Variants in ETV6 observed in about 807,000 individuals in gnomAD.
ETV6 encodes transcription factor ETV6.
Under a neutral mutation model 51.1 loss-of-function variants are expected in ETV6, and 16 were observed. The ratio of observed to expected loss-of-function variants is 0.31; its 90% CI spans 0.21 to 0.48. The LOEUF (loss-of-function observed/expected upper bound fraction) is 0.48, where lower values mean the gene tolerates loss of function less well. ETV6 is among the 20% of genes least tolerant of loss of function. The pLI is 0.99. For missense variants in ETV6, 458 were observed against 594.8 expected, an observed-to-expected ratio of 0.77 and a Z score of 2.39; for synonymous variants, 240 against 224.1, an observed-to-expected ratio of 1.07 and a Z score of -0.64.
At chr12:11,653,706 G>A (rs183438437) in intron 1 of ETV6, among the ~76,000 whole-genome samples, 204 of 152,188 alleles carry the variant, frequency 1.3e-3, no homozygotes, top group African/African-American at 3.0e-3. Flanking sequence ...CCACTGGCTT[G>A]CTTGCAGAAA....
chr12:11,794,797 C>T (rs1443554348), intron 2 of ETV6, among the ~76,000 whole-genome samples: 7 of 152,316 alleles, frequency 4.6e-5, no homozygotes, highest in Admixed American at 3.3e-4. Context: ...AGTTATCATT[C>T]CATGCAGACA....
At chr12:11,738,307 CTT>C (rs59241338) in intron 1 of ETV6, among the ~76,000 whole-genome samples, 1 of 114,026 alleles carries the variant, frequency 8.8e-6, no homozygotes, top group African/African-American at 3.9e-5. Flanking sequence ...TTTGTTTTTG[CTT>C]TTTTTTTTTT....
chr12:11,869,413 C>A lies in ETV6; in HGVS notation c.464-11C>A. 6.3e-7 allele frequency: 1 copy of A among 1,594,058 alleles called. No homozygotes were observed. On this transcript the variant is annotated splice_polypyrimidine_tract_variant and intron_variant, in intron 4 of 7. Coordinates refer to ENST00000396373, the MANE Select transcript of ETV6 (RefSeq NM_001987.5). The surrounding 1 kb of genome is among the most constrained non-coding windows in gnomAD (Gnocchi z 5.0). Reference sequence around the variant, plus strand: ...CTGGGGTCTGTGATTGTCTTTCCCTCTGCTCCACAGATAACTGTGTCCAGA... The same window carrying A: ...CTGGGGTCTGTGATTGTCTTTCCCTATGCTCCACAGATAACTGTGTCCAGA...
intron 1 of ETV6, among the ~76,000 whole-genome samples, chr12:11,731,971 C>T (rs777971448): frequency 1.8e-4 from 27 of 152,180 alleles, no homozygotes; most frequent in Non-Finnish European, 3.4e-4. Context: ...CCCGGAACCC[C>T]TTCAGTCCCA....
chr12:11,881,094 C>G (rs1435926590), intron 5 of ETV6, among the ~76,000 whole-genome samples: 1 of 152,080 alleles, frequency 6.6e-6, no homozygotes, highest in African/African-American at 2.4e-5. Flanking sequence ...TGCACCACCA[C>G]GCCTGGATAA....
chr12:11,808,358 G>GTA (rs1387486484), intron 2 of ETV6, among the ~76,000 whole-genome samples: 2 of 151,464 alleles, frequency 1.3e-5, no homozygotes, highest in East Asian at 3.9e-4. Context: ...ACCTGACAAG[G>GTA]TATACAGTCT....
At position 11,816,363 on chromosome 12, in the gene ETV6, G is replaced by A. The variant is rs2136427813; in HGVS notation, c.164-22777G>A. Among the ~76,000 whole-genome samples, 3 of 152,266 alleles carry A rather than the reference G, an allele frequency of 2.0e-5. No individual in the cohort carries two copies. In the South Asian group the frequency reaches 6.2e-4, roughly 32 times the overall value. ...AGGTTCACACCATTCTCCTCCCTCA[G>A]CCTCCCAAGTAGCTGGGACTACAGG... is the stretch of plus-strand genomic sequence containing the variant. On this transcript the variant is annotated intron_variant, in intron 2 of 7. Transcript: ENST00000396373.
rs34004409 is a variant in ETV6 at position 11,784,862 on chromosome 12, A to ATTTTTTTTTTTTTTTTTT, written c.163+32290_163+32307dup. On this transcript the variant is annotated intron_variant, in intron 2 of 7. Transcript: ENST00000396373. The stretch of plus-strand genomic sequence containing the variant: ...CAAGTGTGCACCCCGTGCCTTGCTA[A>ATTTTTTTTTTTTTTTTTT]TTTTTTTTTTTTTTTTTTTTTTTTG... Among the ~76,000 whole-genome samples, 12 of 85,756 alleles carry ATTTTTTTTTTTTTTTTTT rather than the reference A, an allele frequency of 1.4e-4. 1 individual carries two copies. Among genetic ancestry groups the ATTTTTTTTTTTTTTTTTT allele is most frequent in the South Asian group, 8.9e-4 (2 of 2,244 alleles). 56.3% of individuals were successfully genotyped at this position (85,756 alleles called of 152,430 possible).
chr12:11,652,636 C>T (rs922854442), intron 1 of ETV6, among the ~76,000 whole-genome samples: 2 of 152,228 alleles, frequency 1.3e-5, no homozygotes, highest in African/African-American at 4.8e-5. Flanking sequence ...CACTTGCTTT[C>T]ATTCCTTACA....
At chr12:11,782,954 G>A (rs1196171561) in intron 2 of ETV6, among the ~76,000 whole-genome samples, 1 of 152,198 alleles carries the variant, frequency 6.6e-6, no homozygotes, top group Non-Finnish European at 1.5e-5. Flanking sequence ...TGTGCTGGAA[G>A]TTTAAATAGG....
intron 2 of ETV6, among the ~76,000 whole-genome samples, chr12:11,834,055 A>C (rs192793532): frequency 6.6e-6 from 1 of 152,356 alleles, no homozygotes; most frequent in East Asian, 1.9e-4. Context: ...TTGAAGCCAC[A>C]TAGATCTCTG....
At chr12:11,721,854 A>T (rs1865395345) in intron 1 of ETV6, among the ~76,000 whole-genome samples, 1 of 152,248 alleles carries the variant, frequency 6.6e-6, no homozygotes, top group African/African-American at 2.4e-5. Context: ...ATTAAGATGT[A>T]CATATTCTGT....
chr12:11,793,603 A>ATCAGCTAGGATTCAACCC (rs1301176417), intron 2 of ETV6, among the ~76,000 whole-genome samples: 11 of 152,222 alleles, frequency 7.2e-5, no homozygotes, highest in African/African-American at 2.7e-4. Flanking sequence ...GGCTACCACT[A>ATCAGCTAGGATTCAACCC]TCAGCTAGGA....
At chr12:11,728,061 C>T (rs372908624) in intron 1 of ETV6, among the ~76,000 whole-genome samples, 1 of 152,160 alleles carries the variant, frequency 6.6e-6, no homozygotes, top group Non-Finnish European at 1.5e-5. Flanking sequence ...CTCAAGTGAT[C>T]TGCCCGCCTC....
At chr12:11,743,587 C>A (rs995900184) in intron 1 of ETV6, among the ~76,000 whole-genome samples, 2 of 152,140 alleles carry the variant, frequency 1.3e-5, no homozygotes, top group African/African-American at 4.8e-5. Context: ...CAGCGGTTCT[C>A]CACACTCTCC....
chr12:11,669,224 C>A (rs374280488), intron 1 of ETV6, among the ~76,000 whole-genome samples: 1 of 152,164 alleles, frequency 6.6e-6, no homozygotes, highest in African/African-American at 2.4e-5. Flanking sequence ...ATAAGGTGCG[C>A]AGTTGCCAAT....
chr12:11,664,776 C>G (rs1356461382), intron 1 of ETV6, among the ~76,000 whole-genome samples: 1 of 152,204 alleles, frequency 6.6e-6, no homozygotes, highest in Non-Finnish European at 1.5e-5. Flanking sequence ...TACCGGCTGT[C>G]ACTGCCTTCC....
At chr12:11,847,045 G>T (rs1946477252) in intron 3 of ETV6, among the ~76,000 whole-genome samples, 1 of 152,158 alleles carries the variant, frequency 6.6e-6, no homozygotes, top group Non-Finnish European at 1.5e-5. Context: ...AGGTGCGGCG[G>T]TGAAAAGTGG....
intron 2 of ETV6, among the ~76,000 whole-genome samples, chr12:11,792,162 G>T (rs952231661): frequency 9.2e-5 from 14 of 152,208 alleles, no homozygotes; most frequent in African/African-American, 2.9e-4. Context: ...CCCTCCTTCT[G>T]TACAGAACAC....
Sources: gnomAD v4.1 joint callset for allele counts (sites outside exome capture counted in the v4.1 genomes callset) on GRCh38, gnomAD v4.1.1 for gene constraint, Gnocchi (gnomAD v3.1) non-coding constraint, MANE v1.5 for transcripts, NCBI Gene and HGNC (gene_info 2026-07-23, HGNC 2026-07-21) for gene names.